FAM210B: variants seen among roughly 807,000 people sequenced by gnomAD.
FAM210B encodes family with sequence similarity 210 member B.
Under a neutral mutation model 14.9 loss-of-function variants are expected in FAM210B, and 11 were observed. The observed-to-expected ratio is 0.74, with a 90% CI of 0.46 to 1.22. The LOEUF is 1.22. Ranked by LOEUF, FAM210B falls within the 50% of genes most tolerant of loss-of-function variation. The pLI is 0.00. For missense variants in FAM210B, 229 were observed against 250.1 expected, an observed-to-expected ratio of 0.92 and a Z score of 0.57; for synonymous variants, 113 against 110.2, an observed-to-expected ratio of 1.03 and a Z score of -0.16.
At position 56,363,617 on chromosome 20, in the gene FAM210B, GT is replaced by G. The variant is rs1015977103; in HGVS notation, c.187-1463del. Among the ~76,000 whole-genome samples the G allele has an allele frequency of 1.4e-4, 21 of 152,114 alleles. No homozygotes were observed. Among genetic ancestry groups the G allele is most frequent in the East Asian group, 1.2e-3 (6 of 5,198 alleles). On this transcript the variant is annotated intron_variant, in intron 1 of 2. Coordinates refer to ENST00000371384, the MANE Select transcript of FAM210B (RefSeq NM_080821.3). This position sits in a 1 kb window ranked among gnomAD's most constrained non-coding sequence, Gnocchi z 4.1. ...TAAAGTGCTCTGTTATTGAGAAGTG[GT>G]TTTTTTCCCTCCCCTAATGTGGGTG...
intron 1 of FAM210B, chr20:56,360,144 C>T (rs1243170055): frequency 1.1e-5 from 5 of 467,864 alleles, no homozygotes; most frequent in African/African-American, 2.0e-5. Context: ...TTCATCATGC[C>T]TCCTGCCCAG....
Position 56,365,106 on chromosome 20 carries a change from G to A in FAM210B, c.206G>A (p.Gly69Glu). ...RGHQDPSQATGTTGSSVSCTE... is the reference protein window; with the variant it reads ...RGHQDPSQATETTGSSVSCTE... ...ACACAGGACCCCAGCCAGGCCACGG[G>A]GACAACAGGCAGCAGCGTCAGCTGC... Residue 69 changes from glycine to glutamate, a missense_variant, in exon 2 of 3, where the codon GGG becomes GAG. Transcript: ENST00000371384. 6.2e-7 allele frequency: 1 copy of A among 1,613,374 alleles called. No homozygotes were observed.
chr20:56,365,509 TG>T (rs1338046395), intron 2 of FAM210B, among the ~76,000 whole-genome samples: 3 of 151,628 alleles, frequency 2.0e-5, no homozygotes, highest in African/African-American at 4.8e-5. Flanking sequence ...CTGATTTGTT[TG>T]TTTGTTTGTT....
Position 56,366,105 on chromosome 20 carries a change from G to A in FAM210B, c.397G>A (p.Gly133Arg), listed in dbSNP as rs138469841. 3.0e-5 allele frequency: 49 copies of A among 1,614,062 alleles called. No homozygotes were observed. The highest frequency in any genetic ancestry group is 2.9e-4 in the African/African-American group (22 of 74,994). ...CATGCCTGCAATCCTGCTGAAACTC[G>A]GATTTAAAGAGTCCCTGGTACAGTC... The part of the protein sequence containing the change: ...VDMPAILLKL[G>R]FKESLVQSKM... The change falls in exon 3 of 3, where the codon GGA (glycine) becomes AGA (arginine). Residue 133 changes from glycine (G) to arginine (R), a missense_variant. Coordinates refer to ENST00000371384, the MANE Select transcript of FAM210B (RefSeq NM_080821.3).
chr20:56,365,365 C>A, intron 2 of FAM210B, 103 bp downstream of exon 2: 1 of 1,266,806 alleles, frequency 7.9e-7, no homozygotes, highest in Middle Eastern at 2.5e-4. Flanking sequence ...GACAGGGTCT[C>A]ACTCCACTGC....
At chr20:56,366,018 C>A in intron 2 of FAM210B, 53 bp from the exon 3 acceptor site, 1 of 1,366,978 alleles carries the variant, frequency 7.3e-7, no homozygotes, top group Non-Finnish European at 1.0e-6. Flanking sequence ...AAATCAATTT[C>A]TTCATTTAAT....
rs1983497802 is a variant in FAM210B, at chr20:56,359,904, C to G, written c.186+713C>G. On this transcript the variant is annotated intron_variant, in intron 1 of 2. Coordinates refer to ENST00000371384, the MANE Select transcript of FAM210B (RefSeq NM_080821.3). The surrounding 1 kb of genome is among the most constrained non-coding windows in gnomAD (Gnocchi z 4.3). ...TGGAGCCTCTTTGTTTGCCTGGGTG[C>G]AGACAGGGCCCCTCCATTCATCGCC... Among the ~76,000 whole-genome samples, 1 of 152,226 alleles carries G rather than the reference C, an allele frequency of 6.6e-6. No individual in the cohort carries two copies. Among genetic ancestry groups the G allele is most frequent in the Non-Finnish European group, 1.5e-5 (1 of 68,030 alleles).
At chr20:56,365,579 C>T (rs1442541706) in intron 2 of FAM210B, among the ~76,000 whole-genome samples, 3 of 152,128 alleles carry the variant, frequency 2.0e-5, no homozygotes, top group Non-Finnish European at 2.9e-5. Flanking sequence ...GATCTCGGCT[C>T]ACTGCAAGCT....
rs1053183127 is a variant in FAM210B at position 56,362,745 on chromosome 20, A to G, written c.187-2342A>G. On this transcript the variant is annotated intron_variant, in intron 1 of 2. Coordinates refer to ENST00000371384, the MANE Select transcript of FAM210B (RefSeq NM_080821.3). The surrounding 1 kb of genome is among the most constrained non-coding windows in gnomAD (Gnocchi z 4.8). ...CTTGCAGTAGATTCTGCTCAGTTCT[A>G]TAGCTGGAATCCTGGCTGCCTTTTT... Among the ~76,000 whole-genome samples the G allele has an allele frequency of 6.6e-5, 10 of 152,204 alleles. No homozygotes were observed. The East Asian group carries it at 1.5e-3, about 23-fold the overall frequency.
chr20:56,358,984 G>A lies in FAM210B; in HGVS notation c.-22G>A. ...CCCGCCTCCCGGGTCAGCGGCGCGG[G>A]TGCTGCGCCTAGCTGCGCACCATGG... On this transcript the variant is annotated 5_prime_UTR_variant, in exon 1 of 3. It adds an upstream start codon to the 5' untranslated region. Transcript: ENST00000371384. The A allele has an allele frequency of 1.6e-6, 2 of 1,222,900 alleles. No individual in the cohort carries two copies. The highest frequency in any genetic ancestry group is 1.0e-6 in the Non-Finnish European group (1 of 981,796). 75.8% of individuals were successfully genotyped at this position (1,222,900 alleles called of 1,614,324 possible).
In FAM210B at chr20:56,365,134, AGAG is replaced by A. The variant is rs1983603933; in HGVS notation, c.238_240del (p.Glu80del). ...CAACAGGCAGCAGCGTCAGCTGCACAGAGGAGAAAAAGCAAAGCAAGTCACAGC... is the reference window on the plus strand; with the variant it reads ...CAACAGGCAGCAGCGTCAGCTGCACAGAGAAAAAGCAAAGCAAGTCACAGC... On this transcript the variant is annotated inframe_deletion, in exon 2 of 3. Transcript: ENST00000371384. 1.2e-6 allele frequency: 2 copies of A among 1,613,952 alleles called. No homozygotes were observed. Among genetic ancestry groups the A allele is most frequent in the Admixed American group, 3.3e-5 (2 of 60,012 alleles).
In FAM210B at chr20:56,362,040, A is replaced by T. The variant is rs565901450; in HGVS notation, c.186+2849A>T. Among the ~76,000 whole-genome samples, 1 of 152,314 alleles carries T rather than the reference A, an allele frequency of 6.6e-6. No individual in the cohort carries two copies. Among genetic ancestry groups the T allele is most frequent in the South Asian group, 2.1e-4 (1 of 4,828 alleles). Reference sequence around the variant, plus strand: ...GCTTGGTCTTGAACTTCTGGCCTCAAGCAATCCTCCTACACCTCAGCTTCC... The same window carrying T: ...GCTTGGTCTTGAACTTCTGGCCTCATGCAATCCTCCTACACCTCAGCTTCC... On this transcript the variant is annotated intron_variant, in intron 1 of 2. Coordinates refer to ENST00000371384, the MANE Select transcript of FAM210B (RefSeq NM_080821.3). This position sits in a 1 kb window ranked among gnomAD's most constrained non-coding sequence, Gnocchi z 4.8.
rs1983636705 is a variant in FAM210B at position 56,366,386 on chromosome 20, G to A, written c.*99G>A. On this transcript the variant is annotated 3_prime_UTR_variant, in exon 3 of 3. Coordinates refer to ENST00000371384, the MANE Select transcript of FAM210B (RefSeq NM_080821.3). Reference sequence around the variant, plus strand: ...AGGGTTGTAGGGTTTCTTTTGGAGAGGTAGGGGGCTAATTGCTATGTTCTC... The same window carrying A: ...AGGGTTGTAGGGTTTCTTTTGGAGAAGTAGGGGGCTAATTGCTATGTTCTC... The A allele has an allele frequency of 4.5e-6, 5 of 1,111,476 alleles. No homozygotes were observed. The highest frequency in any genetic ancestry group is 3.9e-6 in the Non-Finnish European group (3 of 764,192). 68.9% of individuals were successfully genotyped at this position (1,111,476 alleles called of 1,614,324 possible).
Position 56,366,283 on chromosome 20 carries a change from C to A in FAM210B, c.575C>A (p.Pro192His). The A allele has an allele frequency of 6.2e-7, 1 of 1,613,614 alleles. No individual in the cohort carries two copies. Among genetic ancestry groups the A allele is most frequent in the Admixed American group, 1.7e-5 (1 of 60,022 alleles). Reference sequence around the variant, plus strand: ...TTTTTTAAACCTCCAGCTGCAAAACCTTAATGAACTCTTCAGTCGTACACA... The same window carrying A: ...TTTTTTAAACCTCCAGCTGCAAAACATTAATGAACTCTTCAGTCGTACACA... ...VGFFKPPAAK[P>H] Residue 192 changes from proline (P) to histidine (H), a missense_variant, in exon 3 of 3, where the codon CCT (proline) becomes CAT (histidine). Transcript: ENST00000371384.
Position 56,365,270 on chromosome 20 carries a change from T to C in FAM210B, c.362+8T>C. The stretch of plus-strand genomic sequence containing the variant: ...TTACATGGTTGTGTCAAGGTAAGAT[T>C]TTTGACAGTAATTAATATTTGTTTT... On this transcript the variant is annotated splice_region_variant and intron_variant, in intron 2 of 2. Coordinates refer to ENST00000371384, the MANE Select transcript of FAM210B (RefSeq NM_080821.3). The C allele has an allele frequency of 1.2e-6, 2 of 1,608,174 alleles. No homozygotes were observed. The highest frequency in any genetic ancestry group is 1.7e-6 in the Non-Finnish European group (2 of 1,176,802).
At position 56,359,183 on chromosome 20, in the gene FAM210B, G is replaced by A; in HGVS notation, c.178G>A (p.Gly60Ser). 5 of 1,236,470 alleles carry A rather than the reference G, an allele frequency of 4.0e-6. No homozygotes were observed. Among genetic ancestry groups the A allele is most frequent in the Non-Finnish European group, 5.0e-6 (5 of 993,280 alleles). The allele number at this position is 1,236,470 out of a possible 1,614,324, so 76.6% of individuals were successfully genotyped here. Reference sequence around the variant, plus strand: ...CCGCACGGCGCGCGGGGACTGCCGCGGCCACCAGGTAAGCACCCCACCCCG... The same window carrying A: ...CCGCACGGCGCGCGGGGACTGCCGCAGCCACCAGGTAAGCACCCCACCCCG... ...LLRTARGDCR[G>S]HQDPSQATGT... is the part of the protein sequence containing the mutation. The change falls in exon 1 of 3, where the codon GGC becomes AGC. Residue 60 changes from glycine to serine, a missense_variant. Transcript: ENST00000371384. This position sits in a 1 kb window ranked among gnomAD's most constrained non-coding sequence, Gnocchi z 4.3.
At chr20:56,360,925 C>A (rs967614074) in intron 1 of FAM210B, among the ~76,000 whole-genome samples, 1 of 152,232 alleles carries the variant, frequency 6.6e-6, no homozygotes, top group Non-Finnish European at 1.5e-5. Context: ...CCACCCTCGT[C>A]GGGAGGTAGG....
In FAM210B at chr20:56,366,145, G is replaced by A. The variant is rs1289041925; in HGVS notation, c.437G>A (p.Gly146Asp). 6.2e-7 allele frequency: 1 copy of A among 1,614,050 alleles called. No homozygotes were observed. Among genetic ancestry groups the A allele is most frequent in the Non-Finnish European group, 8.5e-7 (1 of 1,180,046 alleles). ...CTGGTACAGTCAAAAATGGCAGCAG[G>A]CACAAGTACCTTCGTGGTGGCCTAT... ...ESLVQSKMAAGTSTFVVAYAI... is the reference protein window; with the variant it reads ...ESLVQSKMAADTSTFVVAYAI... The change falls in exon 3 of 3, where the codon GGC becomes GAC. Residue 146 changes from glycine (G) to aspartate (D), a missense_variant. Coordinates refer to ENST00000371384, the MANE Select transcript of FAM210B (RefSeq NM_080821.3).
In FAM210B at chr20:56,359,198, A is replaced by G. The variant is rs1182150883; in HGVS notation, c.186+7A>G. On this transcript the variant is annotated splice_region_variant and intron_variant, in intron 1 of 2. Transcript: ENST00000371384. The surrounding 1 kb of genome is among the most constrained non-coding windows in gnomAD (Gnocchi z 4.3). ...GGACTGCCGCGGCCACCAGGTAAGC[A>G]CCCCACCCCGACCCTGATCCCGGGC... 1.6e-6 allele frequency: 2 copies of G among 1,231,276 alleles called. No homozygotes were observed. Among genetic ancestry groups the G allele is most frequent in the Non-Finnish European group, 2.0e-6 (2 of 989,372 alleles). The allele number at this position is 1,231,276 out of a possible 1,614,324, so 76.3% of individuals were successfully genotyped here.
Sources: gnomAD v4.1 joint callset for allele counts (sites outside exome capture counted in the v4.1 genomes callset) on GRCh38, gnomAD v4.1.1 for gene constraint, Gnocchi (gnomAD v3.1) non-coding constraint, MANE v1.5 for transcripts, NCBI Gene and HGNC (gene_info 2026-07-23, HGNC 2026-07-21) for gene names.